The following TRPM2 variants were observed in gnomAD, a reference collection of about 807,000 sequenced individuals.
TRPM2 encodes the protein transient receptor potential cation channel subfamily M member 2, also known as estrogen-responsive element-associated gene 1 protein.
In TRPM2, 161 loss-of-function variants were observed where a neutral mutation model predicts 174.0. That is an observed-to-expected ratio of 0.93 (90% CI 0.81 to 1.05). The LOEUF (loss-of-function observed/expected upper bound fraction) is 1.05. Among genes scored for constraint, TRPM2 ranks in the 50% least tolerant of loss-of-function variants. TRPM2 has a pLI of 0.00. For missense variants in TRPM2, 2,057 were observed against 2,038.0 expected, an observed-to-expected ratio of 1.01 and a Z score of -0.18; for synonymous variants, 954 against 861.3, an observed-to-expected ratio of 1.11 and a Z score of -1.88.
intron 19 of TRPM2, among the ~76,000 whole-genome samples, chr21:44,412,048 G>C (rs2050126131): frequency 6.6e-6 from 1 of 152,140 alleles, no homozygotes; most frequent in African/African-American, 2.4e-5. Context: ...TTATTGGTCT[G>C]TGGTTTTCTT....
rs1569121195 is a variant in TRPM2, at chr21:44,437,082, G to C, written c.4082G>C (p.Gly1361Ala). The C allele has an allele frequency of 6.4e-7, 1 of 1,550,992 alleles. No individual in the cohort carries two copies. The highest frequency in any genetic ancestry group is 8.7e-7 in the Non-Finnish European group (1 of 1,146,862). ...CGCAGGTGGAGGCGGAACGAGGATG[G>C]AGCCATCTGCAGGAAGAGCATAAAG... ...MVTRWRRNED[G>A]AICRKSIKKM... Residue 1361 changes from glycine (G) to alanine (A), a missense_variant, in exon 29 of 32, where the codon GGA becomes GCA. Coordinates refer to ENST00000397928, the MANE Select transcript of TRPM2 (RefSeq NM_003307.4).
chr21:44,439,511 C>T lies in TRPM2; in HGVS notation c.4269+343C>T, dbSNP rs778258011. On this transcript the variant is annotated intron_variant, in intron 30 of 31. Transcript: ENST00000397928. The surrounding 1 kb of genome is among the most constrained non-coding windows in gnomAD (Gnocchi z 5.1). ...CTCCTCCCCACATCCACCCTTGCCT[C>T]GAGCACAGCTGCGCCCAAGGGTGCT... is the stretch of plus-strand genomic sequence containing the variant. Among the ~76,000 whole-genome samples the T allele has an allele frequency of 2.0e-5, 3 of 152,140 alleles. No individual in the cohort carries two copies. The highest frequency in any genetic ancestry group is 4.4e-5 in the Non-Finnish European group (3 of 68,024).
At chr21:44,408,134 A>G (rs1380477960) in intron 19 of TRPM2, among the ~76,000 whole-genome samples, 1 of 151,770 alleles carries the variant, frequency 6.6e-6, no homozygotes, top group Non-Finnish European at 1.5e-5. Flanking sequence ...TTTTGTAGAG[A>G]TGGGGTTTCA....
intron 19 of TRPM2, among the ~76,000 whole-genome samples, chr21:44,407,459 T>G (rs1191072276): frequency 2.0e-5 from 3 of 146,852 alleles, no homozygotes; most frequent in Non-Finnish European, 4.5e-5. Context: ...GGTTTTTTTT[T>G]TTTTTTTTTT....
intron 16 of TRPM2, among the ~76,000 whole-genome samples, chr21:44,403,660 CAT>C (rs1488622187): frequency 6.7e-6 from 1 of 149,184 alleles, no homozygotes; most frequent in Non-Finnish European, 1.5e-5. Context: ...CATGCACACA[CAT>C]GCATACACAC....
At chr21:44,403,929 A>G (rs944634224) in intron 16 of TRPM2, among the ~76,000 whole-genome samples, 2 of 149,748 alleles carry the variant, frequency 1.3e-5, no homozygotes, top group Non-Finnish European at 2.9e-5. Flanking sequence ...ATACACATGT[A>G]CACAATATAC....
chr21:44,418,111 A>G lies in TRPM2; in HGVS notation c.3328+3A>G, dbSNP rs1314181111. On this transcript the variant is annotated splice_donor_region_variant and intron_variant, in intron 21 of 31. Coordinates refer to ENST00000397928, the MANE Select transcript of TRPM2 (RefSeq NM_003307.4). ...GGCCAAGAGGCACAAGCAGCTCAGT[A>G]TGCCAGCCCCAGTGCCTCTCCTGAA... 9.3e-6 allele frequency: 15 copies of G among 1,607,968 alleles called. No individual in the cohort carries two copies. The highest frequency in any genetic ancestry group is 3.3e-5 in the South Asian group (3 of 90,938).
At chr21:44,370,208 C>T (rs2048490424) in intron 5 of TRPM2, among the ~76,000 whole-genome samples, 1 of 152,120 alleles carries the variant, frequency 6.6e-6, no homozygotes, top group Non-Finnish European at 1.5e-5. Context: ...GCGTGGCCAG[C>T]AGGCAGCTGG....
chr21:44,364,138 C>T lies in TRPM2; in HGVS notation c.279C>T (p.Tyr93=). 1 of 1,614,032 alleles carries T rather than the reference C, an allele frequency of 6.2e-7. No individual in the cohort carries two copies. Among genetic ancestry groups the T allele is most frequent in the Non-Finnish European group, 8.5e-7 (1 of 1,179,954 alleles). Residue 93 remains tyrosine, a synonymous_variant, in exon 3 of 32, where the codon TAC becomes TAT. Coordinates refer to ENST00000397928, the MANE Select transcript of TRPM2 (RefSeq NM_003307.4). ...DAGKVVCQCG[Y]THEQHLEEAT... is the part of the protein sequence containing the mutation. ...GGAAGGTGGTGTGTCAGTGTGGCTACACGCATGAGCAGCACTTGGAGGAGG... is the reference window on the plus strand; with the variant it reads ...GGAAGGTGGTGTGTCAGTGTGGCTATACGCATGAGCAGCACTTGGAGGAGG...
intron 2 of TRPM2, among the ~76,000 whole-genome samples, chr21:44,357,690 G>A (rs1471071010): frequency 6.6e-6 from 1 of 152,220 alleles, no homozygotes; most frequent in African/African-American, 2.4e-5. Context: ...CAGCAGGAAA[G>A]CAGCTGTTCA....
At chr21:44,365,785 T>C (rs1009583342) in intron 3 of TRPM2, among the ~76,000 whole-genome samples, 3 of 152,300 alleles carry the variant, frequency 2.0e-5, no homozygotes. Context: ...GACCCTGTAC[T>C]GCAGCAGGTC....
intron 19 of TRPM2, among the ~76,000 whole-genome samples, chr21:44,411,465 C>A (rs2050103658): frequency 6.6e-6 from 1 of 152,098 alleles, no homozygotes; most frequent in Non-Finnish European, 1.5e-5. Flanking sequence ...CCTTGCTAAA[C>A]TTCTTTATTA....
intron 27 of TRPM2, among the ~76,000 whole-genome samples, chr21:44,433,712 C>T (rs1308027824): frequency 6.6e-6 from 1 of 152,186 alleles, no homozygotes; most frequent in Non-Finnish European, 1.5e-5. Context: ...TGCCTGGGCC[C>T]CACCGTGCAA....
intron 11 of TRPM2, among the ~76,000 whole-genome samples, chr21:44,392,561 TG>T (rs1273085788): frequency 6.6e-6 from 1 of 152,044 alleles, no homozygotes; most frequent in African/African-American, 2.4e-5. Flanking sequence ...CCTCCGCACC[TG>T]GCCTCACCCC....
intron 8 of TRPM2, among the ~76,000 whole-genome samples, chr21:44,379,671 G>A (rs946850312): frequency 1.3e-5 from 2 of 152,178 alleles, no homozygotes; most frequent in African/African-American, 4.8e-5. Flanking sequence ...TAGATTTTGG[G>A]TGGCCCCTGC....
rs867317297 is a variant in TRPM2 at position 44,439,524 on chromosome 21, G to A, written c.4269+356G>A. 2.6e-5 allele frequency among the ~76,000 whole-genome samples: 4 copies of A among 152,128 alleles called. No individual in the cohort carries two copies. The highest frequency in any genetic ancestry group is 3.4e-3 in the Middle Eastern group (1 of 294). On this transcript the variant is annotated intron_variant, in intron 30 of 31. Coordinates refer to ENST00000397928, the MANE Select transcript of TRPM2 (RefSeq NM_003307.4). The surrounding 1 kb of genome is among the most constrained non-coding windows in gnomAD (Gnocchi z 5.1). Reference sequence around the variant, plus strand: ...CCACCCTTGCCTCGAGCACAGCTGCGCCCAAGGGTGCTGGGAAGCCAGCCC... The same window carrying A: ...CCACCCTTGCCTCGAGCACAGCTGCACCCAAGGGTGCTGGGAAGCCAGCCC...
In TRPM2 at chr21:44,440,798, G is replaced by A. The variant is rs1569126454; in HGVS notation, c.4279G>A (p.Gly1427Ser). The A allele has an allele frequency of 1.2e-6, 2 of 1,613,708 alleles. No homozygotes were observed. Among genetic ancestry groups the A allele is most frequent in the African/African-American group, 2.7e-5 (2 of 75,068 alleles). ...TGCCCTGCCCATCCAGGTGTACAAA[G>A]GCTACATGGATGACCCGAGGAACAC... The part of the protein sequence containing the change: ...LLKCGMEVYK[G>S]YMDDPRNTDN... The change falls in exon 31 of 32, where the codon GGC becomes AGC. Residue 1427 changes from glycine to serine, a missense_variant. Gly to Ser is a moderately conservative substitution (Grantham distance 56). Transcript: ENST00000397928.
chr21:44,387,816 G>C (rs758264603), intron 9 of TRPM2, among the ~76,000 whole-genome samples: 5 of 152,142 alleles, frequency 3.3e-5, no homozygotes, highest in Non-Finnish European at 7.3e-5. Context: ...CTAATCATTA[G>C]AGAAATGCAG....
Position 44,438,818 on chromosome 21 carries a change from T to A in TRPM2, c.4168-249T>A, listed in dbSNP as rs1299296108. On this transcript the variant is annotated intron_variant, in intron 29 of 31. Coordinates refer to ENST00000397928, the MANE Select transcript of TRPM2 (RefSeq NM_003307.4). The surrounding 1 kb of genome is among the most constrained non-coding windows in gnomAD (Gnocchi z 5.9). ...CTCAGGGTGGGTACCCTGGGGGCTG[T>A]CCCTGCTCCTCAGAGGTTGTGTCTG... Among the ~76,000 whole-genome samples, 1 of 152,128 alleles carries A rather than the reference T, an allele frequency of 6.6e-6. No homozygotes were observed. The highest frequency in any genetic ancestry group is 1.9e-4 in the East Asian group (1 of 5,174).
Sources: allele counts gnomAD v4.1 joint callset (sites outside exome capture counted in the v4.1 genomes callset), GRCh38; gene constraint gnomAD v4.1.1; non-coding constraint Gnocchi (gnomAD v3.1); transcripts MANE v1.5; gene names NCBI Gene and HGNC (gene_info 2026-07-23, HGNC 2026-07-21).